The following BCAS3 variants were observed in gnomAD, a reference collection of about 807,000 sequenced individuals.
BCAS3 encodes the protein BCAS3 microtubule associated cell migration factor, also known as BCAS4/BCAS3 fusion.
BCAS3 carries 53 observed loss-of-function variants against 116.1 expected under a neutral mutation model. That is an observed-to-expected ratio of 0.46 (90% CI 0.37 to 0.57). The LOEUF is 0.57. Among genes scored for constraint, BCAS3 ranks in the 20% least tolerant of loss-of-function variants. The pLI is 0.00. For synonymous variants in BCAS3, 391 were observed against 408.2 expected (o/e 0.96, Z 0.51); for missense variants, 917 against 1,165.4 (o/e 0.79, Z 3.10).
rs1475347486 is a variant in BCAS3, at chr17:61,368,310, TC to T, written c.2426-14del. The T allele has an allele frequency of 6.3e-7, 1 of 1,577,562 alleles. No individual in the cohort carries two copies. The highest frequency in any genetic ancestry group is 1.1e-5 in the South Asian group (1 of 88,082). On this transcript the variant is annotated splice_polypyrimidine_tract_variant and intron_variant, in intron 22 of 23. Transcript: ENST00000407086. The surrounding 1 kb of genome is among the most constrained non-coding windows in gnomAD (Gnocchi z 6.0). ...GAAGGTGTGGACTCAACGTCAGATG[TC>T]CCGTGTGTGCCACAGGTACCTTTGA...
intron 6 of BCAS3, among the ~76,000 whole-genome samples, chr17:60,750,034 G>T (rs906596660): frequency 5.9e-5 from 9 of 152,086 alleles, no homozygotes; most frequent in Non-Finnish European, 1.2e-4. Context: ...GAGCATGGTG[G>T]CCAGTGCCTG....
chr17:61,137,289 C>T (rs1015731720), intron 22 of BCAS3, among the ~76,000 whole-genome samples: 1 of 152,180 alleles, frequency 6.6e-6, no homozygotes, highest in African/African-American at 2.4e-5. Flanking sequence ...ATACATGACT[C>T]GGCTTCTGTC....
At chr17:60,760,082 G>C (rs183997073) in intron 6 of BCAS3, among the ~76,000 whole-genome samples, 1 of 152,304 alleles carries the variant, frequency 6.6e-6, no homozygotes, top group Admixed American at 6.5e-5. Flanking sequence ...TGTAGGCAAA[G>C]TGCATTTCTT....
intron 7 of BCAS3, among the ~76,000 whole-genome samples, chr17:60,862,441 G>A (rs936242428): frequency 3.3e-5 from 5 of 152,068 alleles, no homozygotes; most frequent in African/African-American, 1.2e-4. Flanking sequence ...TTGGTCCAGG[G>A]CTTTTTCTCA....
intron 15 of BCAS3, among the ~76,000 whole-genome samples, chr17:60,996,007 T>G (rs928700688): frequency 6.6e-5 from 10 of 152,138 alleles, no homozygotes; most frequent in Admixed American, 2.0e-4. Flanking sequence ...TGTAAAATCC[T>G]GAGGTGGGAG....
intron 14 of BCAS3, among the ~76,000 whole-genome samples, chr17:60,949,557 T>TG (rs1222069384): frequency 1.3e-5 from 2 of 152,192 alleles, no homozygotes; most frequent in African/African-American, 4.8e-5. Flanking sequence ...ATTGCAGGTG[T>TG]GAGTCACCAC....
At chr17:60,871,930 T>C (rs1470731308) in intron 8 of BCAS3, among the ~76,000 whole-genome samples, 1 of 152,068 alleles carries the variant, frequency 6.6e-6, no homozygotes, top group Non-Finnish European at 1.5e-5. Context: ...GTAGGATTGT[T>C]ATTCTATTTT....
rs66627370 is a variant in BCAS3, at chr17:61,333,625, C to CTT, written c.2426-34690_2426-34689dup. 2.2e-4 allele frequency among the ~76,000 whole-genome samples: 32 copies of CTT among 142,544 alleles called. No individual in the cohort carries two copies. Among genetic ancestry groups the CTT allele is most frequent in the African/African-American group, 5.4e-4 (21 of 38,550 alleles). 93.5% of individuals were successfully genotyped at this position (142,544 alleles called of 152,430 possible). A position where few individuals can be genotyped will look rare whatever the true frequency, so the allele number is the denominator to read the frequency against. ...AGTTCTTGAAACTTTCTTTTTTTTT[C>CTT]TTTTTTTTTTTTTGAGACAGAGTCT... is the stretch of plus-strand genomic sequence containing the variant. On this transcript the variant is annotated intron_variant, in intron 22 of 23. Transcript: ENST00000407086. This position sits in a 1 kb window ranked among gnomAD's most constrained non-coding sequence, Gnocchi z 4.8.
intron 5 of BCAS3, among the ~76,000 whole-genome samples, chr17:60,713,481 T>C (rs2038177687): frequency 1.3e-5 from 2 of 152,216 alleles, no homozygotes; most frequent in African/African-American, 4.8e-5. Flanking sequence ...ATTGGCCCTC[T>C]ATATACGTGT....
intron 9 of BCAS3, among the ~76,000 whole-genome samples, chr17:60,877,539 T>C (rs906473941): frequency 6.6e-6 from 1 of 152,258 alleles, no homozygotes; most frequent in Non-Finnish European, 1.5e-5. Flanking sequence ...CTTTGCCATG[T>C]ATTCCTGAAT....
intron 22 of BCAS3, among the ~76,000 whole-genome samples, chr17:61,310,163 C>T (rs905150762): frequency 1.3e-5 from 2 of 152,194 alleles, no homozygotes; most frequent in African/African-American, 4.8e-5. Context: ...TCCATCTTTC[C>T]GGTCCTTTCC....
In BCAS3 at chr17:60,902,722, T is replaced by C. The variant is rs532914656; in HGVS notation, c.822+19T>C. The C allele has an allele frequency of 1.9e-6, 3 of 1,548,804 alleles. No homozygotes were observed. Among genetic ancestry groups the C allele is most frequent in the African/African-American group, 1.4e-5 (1 of 73,438 alleles). ...TGCTAAAGTGAGTACCTCCGAAATC[T>C]TGGAGAGTTGTGGTTATGTGTAGTA... On this transcript the variant is annotated intron_variant, in intron 11 of 23. Transcript: ENST00000407086.
chr17:60,829,183 A>G (rs1568338213), intron 7 of BCAS3, among the ~76,000 whole-genome samples: 1 of 152,100 alleles, frequency 6.6e-6, no homozygotes, highest in African/African-American at 2.4e-5. Context: ...AATATATAGT[A>G]TGATGATGTA....
At chr17:61,078,181 C>T in intron 20 of BCAS3, 152 bp from the exon 21 acceptor site, 1 of 617,846 alleles carries the variant, frequency 1.6e-6, no homozygotes, top group South Asian at 2.2e-5. Flanking sequence ...CTGTGATTAT[C>T]ATCACCTTTT....
At chr17:60,819,258 C>G (rs935425702) in intron 7 of BCAS3, among the ~76,000 whole-genome samples, 1 of 152,176 alleles carries the variant, frequency 6.6e-6, no homozygotes, top group Non-Finnish European at 1.5e-5. Context: ...ACACACCTGA[C>G]TGACACTTAA....
Position 61,141,772 on chromosome 17 carries a change from A to C in BCAS3, c.2425+57208A>C, listed in dbSNP as rs2076929310. ...AAAAATTAGCTGGGCGTGGTGGCGC[A>C]CGCCTGTAGTCCCAACTACTCAGGA... On this transcript the variant is annotated intron_variant, in intron 22 of 23. Coordinates refer to ENST00000407086, the MANE Select transcript of BCAS3 (RefSeq NM_017679.5). This position sits in a 1 kb window ranked among gnomAD's most constrained non-coding sequence, Gnocchi z 4.3. Among the ~76,000 whole-genome samples the C allele has an allele frequency of 6.6e-6, 1 of 151,770 alleles. No individual in the cohort carries two copies.
chr17:60,734,816 C>T (rs2040809053), intron 5 of BCAS3, among the ~76,000 whole-genome samples: 1 of 152,074 alleles, frequency 6.6e-6, no homozygotes, highest in East Asian at 1.9e-4. Context: ...GAATTTTTTA[C>T]CTCTCCATAG....
intron 4 of BCAS3, among the ~76,000 whole-genome samples, chr17:60,692,183 T>C (rs1007624738): frequency 7.2e-5 from 11 of 152,198 alleles, no homozygotes; most frequent in African/African-American, 2.7e-4. Flanking sequence ...TCAGGTTACT[T>C]CAGGTTATCT....
chr17:61,297,691 C>G (rs188480030), intron 22 of BCAS3, among the ~76,000 whole-genome samples: 3 of 152,142 alleles, frequency 2.0e-5, no homozygotes, highest in Admixed American at 2.0e-4. Flanking sequence ...TGGGCAGAGT[C>G]AAAATGAAGC....
Sources: gnomAD v4.1 joint callset for allele counts (sites outside exome capture counted in the v4.1 genomes callset) on GRCh38, gnomAD v4.1.1 for gene constraint, Gnocchi (gnomAD v3.1) non-coding constraint, MANE v1.5 for transcripts, NCBI Gene and HGNC (gene_info 2026-07-23, HGNC 2026-07-21) for gene names.